The following NOS1AP variants were observed in gnomAD, a reference collection of about 807,000 sequenced individuals.
The protein encoded by NOS1AP is nitric oxide synthase 1 adaptor protein, also known as carboxyl-terminal PDZ ligand of neuronal nitric oxide synthase protein.
Under a neutral mutation model 56.2 loss-of-function variants are expected in NOS1AP, and 21 were observed. The ratio of observed to expected loss-of-function variants is 0.37; its 90% CI spans 0.26 to 0.54. The LOEUF is 0.54. Among genes scored for constraint, NOS1AP ranks in the 20% least tolerant of loss-of-function variants. NOS1AP has a pLI of 0.84. For synonymous variants in NOS1AP, 270 were observed against 274.6 expected (o/e 0.98, Z 0.17); for missense variants, 522 against 657.8 (o/e 0.79, Z 2.26).
At chr1:162,227,651 T>C (rs1408734359) in intron 2 of NOS1AP, among the ~76,000 whole-genome samples, 1 of 152,222 alleles carries the variant, frequency 6.6e-6, no homozygotes, top group Non-Finnish European at 1.5e-5. Context: ...CACACATATC[T>C]TATGTTTTGT....
At chr1:162,365,659 G>T in intron 9 of NOS1AP, 90 bp downstream of exon 9, 1 of 1,479,212 alleles carries the variant, frequency 6.8e-7, no homozygotes, top group Admixed American at 1.8e-5. Flanking sequence ...TGCTTTCTTG[G>T]ACCCCTGACC....
chr1:162,295,795 T>C (rs1302699070), intron 3 of NOS1AP, among the ~76,000 whole-genome samples: 1 of 152,184 alleles, frequency 6.6e-6, no homozygotes, highest in Non-Finnish European at 1.5e-5. Flanking sequence ...GCCAGAGTAG[T>C]GGAGTCAGCA....
rs531951723 is a variant in NOS1AP, at chr1:162,089,738, T to G, written c.105+19456T>G. 2.0e-5 allele frequency among the ~76,000 whole-genome samples: 3 copies of G among 152,034 alleles called. No homozygotes were observed. The East Asian group carries it at 5.8e-4, about 30-fold the overall frequency. ...GTAACCACAGAGGCAGATATTGGAGTGATGTGGCCACAGCCAAGGAAGGCT... is the reference window on the plus strand; with the variant it reads ...GTAACCACAGAGGCAGATATTGGAGGGATGTGGCCACAGCCAAGGAAGGCT... On this transcript the variant is annotated intron_variant, in intron 1 of 9. Coordinates refer to ENST00000361897, the MANE Select transcript of NOS1AP (RefSeq NM_014697.3).
At chr1:162,342,702 A>T (rs192847725) in intron 5 of NOS1AP, 16 of 395,848 alleles carry the variant, frequency 4.0e-5, no homozygotes, top group Middle Eastern at 3.8e-4. Flanking sequence ...CAGCTACCTC[A>T]TGCTGATGAA....
chr1:162,218,043 CCTTT>C (rs1652640453), intron 2 of NOS1AP, among the ~76,000 whole-genome samples: 2 of 152,186 alleles, frequency 1.3e-5, no homozygotes, highest in Admixed American at 1.3e-4. Context: ...TGACTAACTT[CCTTT>C]AAGTATCACT....
intron 1 of NOS1AP, among the ~76,000 whole-genome samples, chr1:162,109,404 C>T (rs531718154): frequency 6.6e-6 from 1 of 152,206 alleles, no homozygotes; most frequent in African/African-American, 2.4e-5. Flanking sequence ...AAAGAAAGGT[C>T]TTTATCTTTT....
At chr1:162,167,566 T>C (rs1291438217) in intron 2 of NOS1AP, among the ~76,000 whole-genome samples, 1 of 152,240 alleles carries the variant, frequency 6.6e-6, no homozygotes, top group Non-Finnish European at 1.5e-5. Context: ...GTTGTGGGGC[T>C]GAGGGAGGTG....
intron 4 of NOS1AP, among the ~76,000 whole-genome samples, chr1:162,324,159 C>T (rs5008327): frequency 0.99 from 150,641 of 152,278 alleles, 74,540 homozygotes; most frequent in Middle Eastern, 1. Flanking sequence ...GAGCACAACC[C>T]TCAGGAAGTC....
At chr1:162,317,976 A>G in intron 4 of NOS1AP, among the ~76,000 whole-genome samples, 1 of 152,174 alleles carries the variant, frequency 6.6e-6, no homozygotes, top group South Asian at 2.1e-4. Context: ...CATAAGGGCC[A>G]CCAAAATACT....
chr1:162,073,596 GATAA>G (rs1691706960), intron 1 of NOS1AP, among the ~76,000 whole-genome samples: 1 of 152,144 alleles, frequency 6.6e-6, no homozygotes, highest in Non-Finnish European at 1.5e-5. Context: ...GGGTAGCTGG[GATAA>G]CAGGCATGCG....
At chr1:162,226,132 A>G (rs1276719522) in intron 2 of NOS1AP, among the ~76,000 whole-genome samples, 1 of 152,096 alleles carries the variant, frequency 6.6e-6, no homozygotes, top group East Asian at 1.9e-4. Context: ...TGTCTCTACT[A>G]AAAATACAAA....
intron 6 of NOS1AP, among the ~76,000 whole-genome samples, chr1:162,347,995 G>T (rs1490195592): frequency 6.6e-6 from 1 of 152,126 alleles, no homozygotes. Context: ...CTGGGTTCCT[G>T]TGTTTTCTTC....
chr1:162,236,784 A>G (rs957628956), intron 2 of NOS1AP, among the ~76,000 whole-genome samples: 2 of 152,162 alleles, frequency 1.3e-5, no homozygotes, highest in Admixed American at 1.3e-4. Flanking sequence ...AGGCCAGTCC[A>G]TGTATTGCAG....
chr1:162,233,804 G>C (rs778474294), intron 2 of NOS1AP, among the ~76,000 whole-genome samples: 3 of 152,178 alleles, frequency 2.0e-5, no homozygotes, highest in Non-Finnish European at 2.9e-5. Flanking sequence ...CTACTAAGTG[G>C]TTCCTCTTCT....
intron 3 of NOS1AP, among the ~76,000 whole-genome samples, chr1:162,291,131 A>C (rs1275826783): frequency 6.6e-6 from 1 of 151,810 alleles, no homozygotes; most frequent in African/African-American, 2.4e-5. Context: ...GAGGTCCAAC[A>C]TCTCTGAGGC....
chr1:162,263,033 T>C (rs980845173), intron 2 of NOS1AP, among the ~76,000 whole-genome samples: 13 of 152,232 alleles, frequency 8.5e-5, no homozygotes, highest in Admixed American at 1.3e-4. Context: ...TTTCATCCTC[T>C]GTGAGTACTC....
chr1:162,312,359 T>C (rs1387974103), intron 4 of NOS1AP, among the ~76,000 whole-genome samples: 8 of 140,700 alleles, frequency 5.7e-5, no homozygotes, highest in Non-Finnish European at 7.8e-5. Context: ...TTTCATGTGT[T>C]TTTTGGCTGC....
intron 4 of NOS1AP, among the ~76,000 whole-genome samples, chr1:162,329,943 A>T (rs191818388): frequency 7.2e-5 from 11 of 152,338 alleles, no homozygotes; most frequent in African/African-American, 2.4e-4. Flanking sequence ...TGTGGTCCAA[A>T]GGCAGTGGCT....
chr1:162,076,203 C>T (rs1403920771), intron 1 of NOS1AP, among the ~76,000 whole-genome samples: 5 of 152,132 alleles, frequency 3.3e-5, no homozygotes, highest in Non-Finnish European at 7.4e-5. Context: ...CCTCAGTGAC[C>T]TTTTTGCTGC....
Sources: gnomAD v4.1 joint callset for allele counts (sites outside exome capture counted in the v4.1 genomes callset) on GRCh38, gnomAD v4.1.1 for gene constraint, MANE v1.5 for transcripts, NCBI Gene and HGNC (gene_info 2026-07-23, HGNC 2026-07-21) for gene names.